ZNF804A: variants seen among roughly 807,000 people sequenced by gnomAD.
ZNF804A encodes the protein zinc finger protein 804A.
Under a neutral mutation model 16.5 loss-of-function variants are expected in ZNF804A, and 2 were observed. The ratio of observed to expected loss-of-function variants is 0.12; its 90% confidence interval spans 0.05 to 0.38. The LOEUF (loss-of-function observed/expected upper bound fraction) is 0.38. ZNF804A is among the 10% of genes least tolerant of loss of function. The pLI is 0.99. For missense variants in ZNF804A, 1,473 were observed against 1,390.7 expected, an observed-to-expected ratio of 1.06 and a Z score of -0.94; for synonymous variants, 534 against 489.6, an observed-to-expected ratio of 1.09 and a Z score of -1.20.
chr2:184,612,680 C>A (rs999900992), intron 1 of ZNF804A, among the ~76,000 whole-genome samples: 3 of 152,058 alleles, frequency 2.0e-5, no homozygotes, highest in Non-Finnish European at 4.4e-5. Flanking sequence ...GGTGATCTGC[C>A]CACCTCGGCC....
intron 1 of ZNF804A, among the ~76,000 whole-genome samples, chr2:184,824,589 T>G (rs1162842684): frequency 6.6e-6 from 1 of 152,218 alleles, no homozygotes; most frequent in African/African-American, 2.4e-5. Context: ...TATTATTTAC[T>G]GTTCTTATTA....
chr2:184,670,193 G>C (rs920540769), intron 1 of ZNF804A, among the ~76,000 whole-genome samples: 1 of 151,848 alleles, frequency 6.6e-6, no homozygotes, highest in Admixed American at 6.6e-5. Flanking sequence ...CTGTCTGATA[G>C]CTCTATTTTT....
intron 1 of ZNF804A, among the ~76,000 whole-genome samples, chr2:184,861,494 G>C (rs72905794): frequency 0.16 from 23,708 of 152,016 alleles, 3,328 homozygotes; most frequent in African/African-American, 0.38. Flanking sequence ...TACTCATTTT[G>C]AAGACAAAAA....
At chr2:184,880,558 TTCTTTTGTG>T (rs1168607909) in intron 2 of ZNF804A, among the ~76,000 whole-genome samples, 2 of 152,094 alleles carry the variant, frequency 1.3e-5, no homozygotes, top group Admixed American at 6.6e-5. Context: ...TTTATTGAAA[TTCTTTTGTG>T]TCTTAGTAAT....
intron 1 of ZNF804A, among the ~76,000 whole-genome samples, chr2:184,769,534 CT>C (rs968535013): frequency 5.9e-5 from 9 of 151,868 alleles, no homozygotes; most frequent in Admixed American, 4.6e-4. Flanking sequence ...AATCCTGAGT[CT>C]TTTTTTATTT....
chr2:184,613,570 A>C (rs915684517), intron 1 of ZNF804A, among the ~76,000 whole-genome samples: 3 of 152,192 alleles, frequency 2.0e-5, no homozygotes, highest in South Asian at 2.1e-4. Flanking sequence ...CAATCCTACA[A>C]ATTAAAAATT....
intron 1 of ZNF804A, among the ~76,000 whole-genome samples, chr2:184,744,451 C>A (rs553484327): frequency 6.6e-6 from 1 of 151,830 alleles, no homozygotes; most frequent in South Asian, 2.1e-4. Context: ...AGGATTAGTG[C>A]CCTTATAAAA....
At chr2:184,608,162 G>T (rs1691181394) in intron 1 of ZNF804A, among the ~76,000 whole-genome samples, 1 of 151,472 alleles carries the variant, frequency 6.6e-6, no homozygotes, top group Admixed American at 6.6e-5. Flanking sequence ...AGCCGGGATG[G>T]TCTCGATCTC....
intron 1 of ZNF804A, among the ~76,000 whole-genome samples, chr2:184,607,073 A>G (rs1199319780): frequency 6.6e-6 from 1 of 152,204 alleles, no homozygotes; most frequent in Non-Finnish European, 1.5e-5. Flanking sequence ...GCTATTTTAT[A>G]TACAGGTTTA....
intron 1 of ZNF804A, among the ~76,000 whole-genome samples, chr2:184,854,159 A>T (rs1479703542): frequency 1.3e-5 from 2 of 151,894 alleles, no homozygotes; most frequent in African/African-American, 4.8e-5. Flanking sequence ...TAATACAAAA[A>T]TCTGAAATCT....
chr2:184,794,471 T>C (rs1425739241), intron 1 of ZNF804A, among the ~76,000 whole-genome samples: 1 of 152,126 alleles, frequency 6.6e-6, no homozygotes, highest in Non-Finnish European at 1.5e-5. Flanking sequence ...TTCTGGATAG[T>C]AGTCCTTTGT....
At chr2:184,662,153 A>G (rs2105706941) in intron 1 of ZNF804A, among the ~76,000 whole-genome samples, 1 of 152,294 alleles carries the variant, frequency 6.6e-6, no homozygotes, top group African/African-American at 2.4e-5. Context: ...CAGGGAATGT[A>G]TCTACTTGGG....
intron 2 of ZNF804A, among the ~76,000 whole-genome samples, chr2:184,894,032 C>T (rs570223008): frequency 4.6e-5 from 7 of 152,026 alleles, no homozygotes; most frequent in African/African-American, 1.7e-4. Flanking sequence ...TAAAACCTTC[C>T]AATTTTTTAT....
At chr2:184,902,239 T>C (rs1685196723) in intron 2 of ZNF804A, 1 of 164,704 alleles carries the variant, frequency 6.1e-6, no homozygotes, top group Admixed American at 6.0e-5. Flanking sequence ...AGCTTCTTCA[T>C]AGTCAGTTTG....
chr2:184,925,781 CAACTT>C (rs1381771351), intron 2 of ZNF804A, among the ~76,000 whole-genome samples: 6 of 151,902 alleles, frequency 3.9e-5, no homozygotes, highest in African/African-American at 1.4e-4. Flanking sequence ...TTTAAGCTAA[CAACTT>C]AACAGTTTTT....
intron 1 of ZNF804A, among the ~76,000 whole-genome samples, chr2:184,643,314 C>T (rs544051755): frequency 6.6e-5 from 10 of 152,070 alleles, no homozygotes; most frequent in Non-Finnish European, 1.0e-4. Context: ...GGTCAAGTCA[C>T]GTAAACATTT....
At chr2:184,865,981 T>C (rs1695872140) in intron 1 of ZNF804A, among the ~76,000 whole-genome samples, 1 of 152,078 alleles carries the variant, frequency 6.6e-6, no homozygotes, top group Admixed American at 6.5e-5. Flanking sequence ...ACAGAACACA[T>C]TTTACATGTT....
At chr2:184,660,743 A>C (rs1434504248) in intron 1 of ZNF804A, among the ~76,000 whole-genome samples, 6 of 152,262 alleles carry the variant, frequency 3.9e-5, no homozygotes. Flanking sequence ...TACACTTGGG[A>C]TATCTAGAGA....
At chr2:184,915,605 G>A (rs535816434) in intron 2 of ZNF804A, among the ~76,000 whole-genome samples, 42 of 152,220 alleles carry the variant, frequency 2.8e-4, no homozygotes, top group African/African-American at 9.9e-4. Flanking sequence ...AGACACTTCT[G>A]ATCCAGCACT....
Sources: allele counts gnomAD v4.1 joint callset (sites outside exome capture counted in the v4.1 genomes callset), GRCh38; gene constraint gnomAD v4.1.1; transcripts MANE v1.5; gene names NCBI Gene and HGNC (gene_info 2026-07-23, HGNC 2026-07-21).